The following SNTG2 variants were observed in gnomAD, a reference collection of about 807,000 sequenced individuals.
SNTG2 encodes the protein syntrophin gamma 2.
A neutral mutation model predicts 70.9 loss-of-function variants in SNTG2; 74 were observed. The observed-to-expected ratio is 1.04, with a 90% CI of 0.86 to 1.27. The LOEUF (loss-of-function observed/expected upper bound fraction) is 1.27. SNTG2 is among the 50% of genes most tolerant of loss of function. SNTG2 has a pLI of 0.00. For missense variants in SNTG2, 717 were observed against 690.7 expected, an observed-to-expected ratio of 1.04 and a Z score of -0.43; for synonymous variants, 278 against 273.8, an observed-to-expected ratio of 1.02 and a Z score of -0.15.
intron 1 of SNTG2, among the ~76,000 whole-genome samples, chr2:1,057,253 A>G (rs1344433975): frequency 6.6e-6 from 1 of 152,044 alleles, no homozygotes; most frequent in Non-Finnish European, 1.5e-5. Context: ...TACCTCATCA[A>G]CTTCATTTTT....
chr2:1,042,059 C>A (rs1661470509), intron 1 of SNTG2, among the ~76,000 whole-genome samples: 1 of 152,188 alleles, frequency 6.6e-6, no homozygotes, highest in South Asian at 2.1e-4. Flanking sequence ...AGAACTAAGG[C>A]TACAAATGAA....
At chr2:1,055,153 T>A (rs1662312308) in intron 1 of SNTG2, among the ~76,000 whole-genome samples, 1 of 152,228 alleles carries the variant, frequency 6.6e-6, no homozygotes, top group African/African-American at 2.4e-5. Flanking sequence ...GACGTGGCCC[T>A]GACTGCAGGG....
At chr2:1,304,983 T>G (rs1194719586) in intron 14 of SNTG2, among the ~76,000 whole-genome samples, 1 of 152,198 alleles carries the variant, frequency 6.6e-6, no homozygotes. Context: ...TTCGGTCACT[T>G]GTGGAAGGAG....
At chr2:1,182,468 C>T (rs1034356967) in intron 8 of SNTG2, among the ~76,000 whole-genome samples, 3 of 150,480 alleles carry the variant, frequency 2.0e-5, no homozygotes, top group African/African-American at 4.9e-5. Context: ...TTACAAAAGG[C>T]GTAATAGAAC....
At position 973,488 on chromosome 2, in the gene SNTG2, G is replaced by T. The variant is rs1037467193; in HGVS notation, c.72+22420G>T. 6.0e-5 allele frequency among the ~76,000 whole-genome samples: 9 copies of T among 150,518 alleles called. No individual in the cohort carries two copies. In the South Asian group the frequency reaches 1.3e-3, roughly 22 times the overall value. On this transcript the variant is annotated intron_variant, in intron 1 of 16. Transcript: ENST00000308624. ...AGGGACGGGCGTATTAACCTGTTTGGGATTCTCTGGGCTTCTTGGGGGTGT... is the reference window on the plus strand; with the variant it reads ...AGGGACGGGCGTATTAACCTGTTTGTGATTCTCTGGGCTTCTTGGGGGTGT...
rs141636322 is a variant in SNTG2 at position 1,023,857 on chromosome 2, C to A, written c.73-59661C>A. On this transcript the variant is annotated intron_variant, in intron 1 of 16. Coordinates refer to ENST00000308624, the MANE Select transcript of SNTG2 (RefSeq NM_018968.4). Reference sequence around the variant, plus strand: ...GGTCCGGCTGCAGGCTGCTCTTGGACCTCCTTGTCCTTGACTGGGACTGAA... The same window carrying A: ...GGTCCGGCTGCAGGCTGCTCTTGGAACTCCTTGTCCTTGACTGGGACTGAA... Among the ~76,000 whole-genome samples the A allele has an allele frequency of 4.6e-5, 7 of 152,340 alleles. No individual in the cohort carries two copies. In the East Asian group the frequency reaches 1.3e-3, roughly 29 times the overall value.
intron 2 of SNTG2, among the ~76,000 whole-genome samples, chr2:1,085,005 C>T (rs1044487638): frequency 2.0e-5 from 3 of 152,318 alleles, no homozygotes; most frequent in Non-Finnish European, 2.9e-5. Context: ...ACATCCCAAC[C>T]ACGGCCTCTG....
intron 4 of SNTG2, among the ~76,000 whole-genome samples, chr2:1,122,637 T>C (rs1667444944): frequency 6.6e-6 from 1 of 151,612 alleles, no homozygotes; most frequent in Admixed American, 6.6e-5. Flanking sequence ...CGCTTTAACA[T>C]TAAGATCCTC....
At chr2:1,211,145 C>G (rs991092255) in intron 9 of SNTG2, among the ~76,000 whole-genome samples, 1 of 152,140 alleles carries the variant, frequency 6.6e-6, no homozygotes, top group African/African-American at 2.4e-5. Flanking sequence ...AGTTCGTGCT[C>G]TAACTGTGAA....
At chr2:1,366,770 G>A (rs940706629) in intron 16 of SNTG2, among the ~76,000 whole-genome samples, 4 of 148,448 alleles carry the variant, frequency 2.7e-5, no homozygotes, top group Non-Finnish European at 6.0e-5. Context: ...CACAGCAGGC[G>A]CTGTTCCTCC....
intron 1 of SNTG2, among the ~76,000 whole-genome samples, chr2:1,068,838 A>T (rs1276429514): frequency 6.6e-6 from 1 of 152,220 alleles, no homozygotes; most frequent in African/African-American, 2.4e-5. Context: ...TACAGTAATT[A>T]AAAAGGACAT....
intron 16 of SNTG2, among the ~76,000 whole-genome samples, chr2:1,358,245 GGTGAACAAAACATTCA>G (rs1660957103): frequency 6.6e-6 from 1 of 151,928 alleles, no homozygotes; most frequent in Non-Finnish European, 1.5e-5. Flanking sequence ...ATGAACTTTG[GGTGAACAAAACATTCA>G]GTCCGTAACA....
intron 1 of SNTG2, among the ~76,000 whole-genome samples, chr2:972,812 A>G (rs1182270540): frequency 6.6e-6 from 1 of 152,096 alleles, no homozygotes; most frequent in Non-Finnish European, 1.5e-5. Flanking sequence ...CCATGATTGG[A>G]AGCTCCCTGA....
rs77588288 is a variant in SNTG2, at chr2:1,320,849, C to T, written c.1488+4474C>T. On this transcript the variant is annotated intron_variant, in intron 16 of 16. Transcript: ENST00000308624. ...GGAAGCTGCCCTTCCCCAATTCCCA[C>T]GAAAGATACCCAGGGAGGCCCCCCC... 6.1e-3 allele frequency among the ~76,000 whole-genome samples: 928 copies of T among 152,194 alleles called. 5 individuals carry two copies. The highest frequency in any genetic ancestry group is 9.2e-3 in the Non-Finnish European group (627 of 68,002).
intron 1 of SNTG2, among the ~76,000 whole-genome samples, chr2:1,028,786 G>T (rs1443400243): frequency 6.6e-6 from 1 of 151,080 alleles, no homozygotes; most frequent in Non-Finnish European, 1.5e-5. Flanking sequence ...GAAAGCCAGG[G>T]ATTCTTCTCA....
Position 957,843 on chromosome 2 carries a change from G to A in SNTG2, c.72+6775G>A, listed in dbSNP as rs547175611. Reference sequence around the variant, plus strand: ...GGAGGAATTTGATCCTGGACTTCTGGCTTCCAGAACTGTGAGAAGATAAAT... The same window carrying A: ...GGAGGAATTTGATCCTGGACTTCTGACTTCCAGAACTGTGAGAAGATAAAT... On this transcript the variant is annotated intron_variant, in intron 1 of 16. Transcript: ENST00000308624. Among the ~76,000 whole-genome samples, 4 of 152,270 alleles carry A rather than the reference G, an allele frequency of 2.6e-5. No individual in the cohort carries two copies. In the South Asian group the frequency reaches 8.3e-4, roughly 32 times the overall value.
At chr2:1,078,570 T>G (rs1397076898) in intron 1 of SNTG2, among the ~76,000 whole-genome samples, 3 of 152,126 alleles carry the variant, frequency 2.0e-5, no homozygotes, top group Non-Finnish European at 2.9e-5. Flanking sequence ...AGGGAGAGAC[T>G]GCAGGTGCCG....
At chr2:1,161,889 A>T (rs1383264561) in intron 6 of SNTG2, among the ~76,000 whole-genome samples, 1 of 152,074 alleles carries the variant, frequency 6.6e-6, no homozygotes, top group Non-Finnish European at 1.5e-5. Flanking sequence ...CCTGGCTAAC[A>T]CGGTGAAACC....
At chr2:994,198 A>G (rs959259869) in intron 1 of SNTG2, among the ~76,000 whole-genome samples, 3 of 152,070 alleles carry the variant, frequency 2.0e-5, no homozygotes, top group Non-Finnish European at 4.4e-5. Flanking sequence ...ACAAATATAA[A>G]CGTATTTATT....
Sources: allele counts gnomAD v4.1 joint callset (sites outside exome capture counted in the v4.1 genomes callset), GRCh38; gene constraint gnomAD v4.1.1; transcripts MANE v1.5; gene names NCBI Gene and HGNC (gene_info 2026-07-23, HGNC 2026-07-21).